Variants in NOD2 observed in about 807,000 individuals in gnomAD.
The protein encoded by NOD2 is nucleotide binding oligomerization domain containing 2, also known as nucleotide-binding oligomerization domain-containing protein 2.
In NOD2, 86 loss-of-function variants were observed where a neutral mutation model predicts 90.9. That is an observed-to-expected ratio of 0.95 (90% CI 0.79 to 1.13). NOD2 has a LOEUF of 1.13. Ranked by LOEUF, NOD2 falls within the 50% of genes most tolerant of loss-of-function variation. NOD2 has a pLI of 0.00. For synonymous variants in NOD2, 581 were observed against 554.6 expected (o/e 1.05, Z -0.67); for missense variants, 1,238 against 1,283.8 (o/e 0.96, Z 0.55).
At chr16:50,696,996 G>A (rs1358769843) in intron 1 of NOD2, 3 of 576,406 alleles carry the variant, frequency 5.2e-6, no homozygotes, top group Non-Finnish European at 6.2e-6. Context: ...GTCCCCAGTG[G>A]GGTTTTTCAG....
chr16:50,711,539 G>C lies in NOD2; in HGVS notation c.1547G>C (p.Arg516Pro), dbSNP rs772534917. 6.2e-7 allele frequency: 1 copy of C among 1,612,624 alleles called. No individual in the cohort carries two copies. Among genetic ancestry groups the C allele is most frequent in the East Asian group, 2.2e-5 (1 of 44,874 alleles). Residue 516 changes from arginine to proline, a missense_variant, in exon 4 of 12, where the codon CGC becomes CCC. Physicochemically the swap from Arg to Pro is moderately radical, Grantham distance 103. This residue lies in a region of NOD2 where 667 missense variants were observed against 688.7 expected (regional missense o/e 0.97). Transcript: ENST00000647318. ...QGLGPSLLRG[R>P]LPTLLHLGRL... ...CTGGGACCCAGTCTTCTTCGGGGCC[G>C]CCTCCCCACCCTCCTGCACCTGGGC...
intron 1 of NOD2, chr16:50,697,716 A>G (rs1596820665): frequency 6.2e-6 from 2 of 323,730 alleles, no homozygotes; most frequent in Admixed American, 4.3e-5. Context: ...AGGGGGGTAC[A>G]CCCTCTCTCC....
intron 2 of NOD2, among the ~76,000 whole-genome samples, chr16:50,704,906 G>A (rs1964116636): frequency 6.6e-6 from 1 of 152,192 alleles, no homozygotes; most frequent in Non-Finnish European, 1.5e-5. Flanking sequence ...GTGCCTTGGT[G>A]TTCTTCCATT....
In NOD2 at chr16:50,723,317, A is replaced by G. The variant is rs201781416; in HGVS notation, c.2734A>G (p.Ile912Val). The change falls in exon 9 of 12, where the codon ATT becomes GTT. Residue 912 changes from isoleucine to valine, a missense_variant. Ile to Val is a conservative substitution (Grantham distance 29). Around this residue, in one of 3 missense-constraint regions of NOD2, gnomAD observed 667 missense variants for 688.7 expected, o/e 0.97. Coordinates refer to ENST00000647318, the MANE Select transcript of NOD2 (RefSeq NM_001370466.1). ...TACCTCCAGCCTGGTGGGGAACAAC[A>G]TTGGCAGTGTGGGTGCCCAAGCCTT... is the stretch of plus-strand genomic sequence containing the variant. ...LRWLSLVGNN[I>V]GSVGAQALAL... 112 of 1,613,824 alleles carry G rather than the reference A, an allele frequency of 6.9e-5. No homozygotes were observed. The highest frequency in any genetic ancestry group is 5.7e-4 in the Admixed American group (34 of 60,004).
chr16:50,730,924 C>A (rs746745033), intron 11 of NOD2, among the ~76,000 whole-genome samples: 9 of 152,212 alleles, frequency 5.9e-5, no homozygotes, highest in Admixed American at 1.3e-4. Flanking sequence ...CTTTGCTGGG[C>A]GTGGCAGCTC....
At position 50,712,065 on chromosome 16, in the gene NOD2, C is replaced by T. The variant is rs368952727; in HGVS notation, c.2073C>T (p.His691=). Residue 691 remains histidine (H), a synonymous_variant, in exon 4 of 12, where the codon CAC becomes CAT. Coordinates refer to ENST00000647318, the MANE Select transcript of NOD2 (RefSeq NM_001370466.1). ...GTCTGGCCCGCAGCCTCCGCAAGCACTTCCACTCCATCCCGCCAGCTGCAC... is the reference window on the plus strand; with the variant it reads ...GTCTGGCCCGCAGCCTCCGCAAGCATTTCCACTCCATCCCGCCAGCTGCAC... The part of the protein sequence containing the change: ...RWCLARSLRK[H]FHSIPPAAPG... 4 of 1,613,308 alleles carry T rather than the reference C, an allele frequency of 2.5e-6. No individual in the cohort carries two copies. In the African/African-American group the frequency reaches 5.3e-5, roughly 22 times the overall value.
chr16:50,697,274 G>C (rs746379299), intron 1 of NOD2: 1 of 1,560,314 alleles, frequency 6.4e-7, no homozygotes, highest in Non-Finnish European at 8.7e-7. Context: ...AGCCTCTCAC[G>C]ATGAGGAGGA....
rs1244100618 is a variant in NOD2, at chr16:50,711,341, C to G, written c.1349C>G (p.Ser450Ter). Residue 450 changes from serine (S) to a stop codon, truncating the protein, a stop_gained, in exon 4 of 12, where the codon TCA becomes TGA. Transcript: ENST00000647318. LOFTEE classifies it high-confidence loss of function. ...DRLIRLLQET[S>*]ALHGLCHLPV... is the part of the protein sequence containing the mutation. The stretch of plus-strand genomic sequence containing the variant: ...CTCATCCGCCTGCTCCAAGAGACCT[C>G]AGCCCTGCACGGTTTGTGCCACCTG... 4.3e-6 allele frequency: 7 copies of G among 1,613,552 alleles called. No individual in the cohort carries two copies. Among genetic ancestry groups the G allele is most frequent in the Non-Finnish European group, 5.9e-6 (7 of 1,180,048 alleles).
chr16:50,697,431 G>A, intron 1 of NOD2: 2 of 1,029,726 alleles, frequency 1.9e-6, no homozygotes, highest in Non-Finnish European at 1.5e-6. Flanking sequence ...CTGTTTCTGG[G>A]CTGTTTTCTG....
At chr16:50,720,042 G>GTCCTGC in intron 7 of NOD2, 34 bp downstream of exon 7, 2 of 1,589,158 alleles carry the variant, frequency 1.3e-6, no homozygotes, top group Admixed American at 3.3e-5. Flanking sequence ...GACCTGCATG[G>GTCCTGC]AGGGGCTTGG....
At chr16:50,729,791 AGC>A in intron 10 of NOD2, 25 bp from the exon 11 acceptor site, 1 of 1,593,712 alleles carries the variant, frequency 6.3e-7, no homozygotes, top group Non-Finnish European at 8.6e-7. Context: ...GAATCCTTGA[AGC>A]TCACCATTGT....
chr16:50,707,924 C>T lies in NOD2; in HGVS notation c.529C>T (p.Gln177Ter). Residue 177 changes from glutamine to a stop codon, truncating the protein, a stop_gained, in exon 3 of 12, where the codon CAG becomes TAG. Transcript: ENST00000647318. LOFTEE classifies it high-confidence loss of function. ...GLAAFLLQHV[Q>*]ELPVPLALPL... ...GGCTGCCTTCCTTCTACAACATGTTCAGGAATTACCAGTCCCATTGGCCCT... is the reference window on the plus strand; with the variant it reads ...GGCTGCCTTCCTTCTACAACATGTTTAGGAATTACCAGTCCCATTGGCCCT... The T allele has an allele frequency of 1.2e-6, 2 of 1,613,926 alleles. No individual in the cohort carries two copies. The highest frequency in any genetic ancestry group is 1.1e-5 in the South Asian group (1 of 91,074).
chr16:50,708,008 A>C (rs1201242309), intron 3 of NOD2, 48 bp downstream of exon 3: 7 of 1,299,228 alleles, frequency 5.4e-6, no homozygotes, highest in Non-Finnish European at 6.7e-6. Context: ...CAGTCAGTGC[A>C]GATCCATGGT....
chr16:50,711,745 G>T lies in NOD2; in HGVS notation c.1753G>T (p.Ala585Ser), dbSNP rs104895438. 1.9e-5 allele frequency: 31 copies of T among 1,614,036 alleles called. No individual in the cohort carries two copies. In the East Asian group the frequency reaches 2.9e-4, roughly 15 times the overall value. ...CATCACTTTCCAGTGCTTCTTTGCC[G>T]CGTTCTACCTGGCACTCAGTGCTGA... ...LHITFQCFFA[A>S]FYLALSADVP... Residue 585 changes from alanine to serine, a missense_variant, in exon 4 of 12, where the codon GCG becomes TCG. This residue lies in a region of NOD2 where 667 missense variants were observed against 688.7 expected (regional missense o/e 0.97). Transcript: ENST00000647318.
intron 1 of NOD2, among the ~76,000 whole-genome samples, chr16:50,699,137 G>A (rs1244938623): frequency 6.6e-6 from 1 of 151,942 alleles, no homozygotes; most frequent in African/African-American, 2.4e-5. Flanking sequence ...CGTGTTGGCC[G>A]GGCTGGTCTA....
chr16:50,721,015 G>A (rs768962856), intron 7 of NOD2, among the ~76,000 whole-genome samples: 3 of 151,846 alleles, frequency 2.0e-5, no homozygotes, highest in Non-Finnish European at 2.9e-5. Context: ...ATGTTGGCCC[G>A]GCTGGTCTTG....
At position 50,712,280 on chromosome 16, in the gene NOD2, G is replaced by A. The variant is rs5743279; in HGVS notation, c.2288G>A (p.Arg763Gln). 2,824 of 1,613,954 alleles carry A rather than the reference G, an allele frequency of 1.7e-3. 46 individuals carry two copies. The African/African-American group carries it at 0.034, about 19-fold the overall frequency. ...AALAFVLQHL[R>Q]RPVALQLDYN... is the part of the protein sequence containing the mutation. ...CTGGCCTTTGTGCTGCAGCACCTCC[G>A]GCGGCCCGTGGCCCTGCAGCTGGAC... is the stretch of plus-strand genomic sequence containing the variant. The change falls in exon 4 of 12, where the codon CGG (arginine) becomes CAG (glutamine). Residue 763 changes from arginine (R) to glutamine (Q), a missense_variant. Arg to Gln is a conservative substitution (Grantham distance 43). Coordinates refer to ENST00000647318, the MANE Select transcript of NOD2 (RefSeq NM_001370466.1).
In NOD2 at chr16:50,710,663, T is replaced by C. The variant is rs757182049; in HGVS notation, c.671T>C (p.Ile224Thr). The C allele has an allele frequency of 3.7e-6, 6 of 1,614,044 alleles. No individual in the cohort carries two copies. The African/African-American group carries it at 5.3e-5, about 14-fold the overall frequency. ...DGAETLCLED[I>T]YTENVLEVWA... ...GCAGAGACGCTCTGCCTGGAGGACATATACACAGAGAATGTCCTGGAGGTC... is the reference window on the plus strand; with the variant it reads ...GCAGAGACGCTCTGCCTGGAGGACACATACACAGAGAATGTCCTGGAGGTC... The change falls in exon 4 of 12, where the codon ATA becomes ACA. Residue 224 changes from isoleucine to threonine, a missense_variant. Ile to Thr is a moderately conservative substitution (Grantham distance 89, BLOSUM62 -1). Transcript: ENST00000647318.
intron 6 of NOD2, chr16:50,719,669 A>G (rs1567401319): frequency 1.6e-6 from 1 of 623,724 alleles, no homozygotes; most frequent in African/African-American, 1.8e-5. Context: ...ACAGCTGCCT[A>G]CTGTGGCTCC....
Sources: allele counts gnomAD v4.1 joint callset (sites outside exome capture counted in the v4.1 genomes callset), GRCh38; gene constraint gnomAD v4.1.1; regional missense constraint gnomAD v4.1.1; transcripts MANE v1.5; gene names NCBI Gene and HGNC (gene_info 2026-07-23, HGNC 2026-07-21).